Variants in TLN2 observed in about 807,000 individuals in gnomAD.
TLN2 encodes the protein talin-2.
Under a neutral mutation model 294.7 loss-of-function variants are expected in TLN2, and 118 were observed. The ratio of observed to expected loss-of-function variants is 0.40; its 90% confidence interval spans 0.34 to 0.47. TLN2 has a LOEUF of 0.47. Among genes scored for constraint, TLN2 ranks in the 20% least tolerant of loss-of-function variants. The pLI, the probability that TLN2 is intolerant of heterozygous loss-of-function variation, is 0.84. For missense variants in TLN2, 3,083 were observed against 3,282.2 expected (o/e 0.94, Z 1.48); for synonymous variants, 1,431 against 1,304.5 (o/e 1.10, Z -2.09).
At chr15:62,689,877 T>TA (rs1567358892) in intron 12 of TLN2, among the ~76,000 whole-genome samples, 27 of 9,840 alleles carry the variant, frequency 2.7e-3, no homozygotes, top group East Asian at 8.9e-3. Flanking sequence ...TTTTTTTTTT[T>TA]ATTGGCTGAC....
chr15:62,605,352 T>A (rs1387869748), intron 2 of TLN2, among the ~76,000 whole-genome samples: 49 of 152,248 alleles, frequency 3.2e-4, no homozygotes, highest in Admixed American at 3.2e-3. Context: ...ATTTTACAAA[T>A]TTAATAAACT....
chr15:62,461,525 C>G (rs1865487), intron 1 of TLN2, among the ~76,000 whole-genome samples: 1 of 151,992 alleles, frequency 6.6e-6, no homozygotes, highest in African/African-American at 2.4e-5. Context: ...TATACCTAGA[C>G]GTAGTATTTA....
At chr15:62,636,424 T>C (rs1393416125) in intron 3 of TLN2, among the ~76,000 whole-genome samples, 2 of 152,118 alleles carry the variant, frequency 1.3e-5, no homozygotes, top group Admixed American at 1.3e-4. Context: ...CAGATGGACT[T>C]TGAGTCTACA....
At chr15:62,394,955 C>A (rs1488283018) in intron 1 of TLN2, among the ~76,000 whole-genome samples, 2 of 152,124 alleles carry the variant, frequency 1.3e-5, no homozygotes, top group Non-Finnish European at 1.5e-5. Flanking sequence ...TTGTTTTTCT[C>A]TTAATCAACA....
At chr15:62,767,954 A>T (rs1012503780) in intron 41 of TLN2, among the ~76,000 whole-genome samples, 2 of 149,168 alleles carry the variant, frequency 1.3e-5, no homozygotes, top group Non-Finnish European at 3.0e-5. Flanking sequence ...TAATATATTT[A>T]TGTCACTTGA....
intron 51 of TLN2, among the ~76,000 whole-genome samples, chr15:62,807,151 G>A (rs2066345905): frequency 6.6e-6 from 1 of 152,146 alleles, no homozygotes; most frequent in Non-Finnish European, 1.5e-5. Flanking sequence ...TCCTGAGGCT[G>A]CAAGTATTGG....
chr15:62,740,186 A>G lies in TLN2; in HGVS notation c.3886-444A>G, dbSNP rs975254951. Among the ~76,000 whole-genome samples, 6 of 152,070 alleles carry G rather than the reference A, an allele frequency of 3.9e-5. No individual in the cohort carries two copies. In the South Asian group the frequency reaches 6.2e-4, roughly 16 times the overall value. Reference sequence around the variant, plus strand: ...TGTGCTTTCCCGAGTCAGGAACTTCAGGGATGCAGTCAGCTCTGAATATCG... The same window carrying G: ...TGTGCTTTCCCGAGTCAGGAACTTCGGGGATGCAGTCAGCTCTGAATATCG... On this transcript the variant is annotated intron_variant, in intron 31 of 58. Coordinates refer to ENST00000636159, the MANE Select transcript of TLN2 (RefSeq NM_015059.3).
intron 36 of TLN2, chr15:62,754,805 A>T (rs901134468): frequency 1.3e-5 from 2 of 152,294 alleles, no homozygotes; most frequent in African/African-American, 4.8e-5. Context: ...AAATGAGTTG[A>T]GGCTGGCGGG....
intron 1 of TLN2, among the ~76,000 whole-genome samples, chr15:62,410,039 C>T (rs185220974): frequency 3.9e-5 from 6 of 152,208 alleles, no homozygotes; most frequent in Non-Finnish European, 7.4e-5. Context: ...GTCAGGAGTT[C>T]AAGACCAGCC....
intron 1 of TLN2, among the ~76,000 whole-genome samples, chr15:62,506,270 T>C (rs1378387498): frequency 6.6e-6 from 1 of 152,174 alleles, no homozygotes; most frequent in Non-Finnish European, 1.5e-5. Flanking sequence ...ATCTAGTGGC[T>C]GCTGGTATGA....
intron 2 of TLN2, among the ~76,000 whole-genome samples, chr15:62,613,772 G>C (rs779041071): frequency 4.1e-5 from 6 of 147,814 alleles, no homozygotes; most frequent in Admixed American, 6.8e-5. Flanking sequence ...AAGCATGAAA[G>C]ACAAAGACAA....
At chr15:62,712,159 G>T in intron 22 of TLN2, 82 bp downstream of exon 22, 1 of 1,515,146 alleles carries the variant, frequency 6.6e-7, no homozygotes, top group South Asian at 1.2e-5. Context: ...ATGGGGCATG[G>T]TCATCCGAGT....
intron 9 of TLN2, among the ~76,000 whole-genome samples, chr15:62,661,344 C>G (rs1260615821): frequency 6.6e-6 from 1 of 152,034 alleles, no homozygotes; most frequent in East Asian, 1.9e-4. Context: ...AAAAATTGAA[C>G]ATAGCCTAAG....
intron 2 of TLN2, among the ~76,000 whole-genome samples, chr15:62,590,993 G>A (rs1224506977): frequency 6.7e-6 from 1 of 148,700 alleles, no homozygotes; most frequent in Non-Finnish European, 1.5e-5. Flanking sequence ...TTTTTTTTTG[G>A]CTGTATATAA....
chr15:62,699,400 G>A (rs569645322), intron 16 of TLN2, among the ~76,000 whole-genome samples: 2 of 149,944 alleles, frequency 1.3e-5, no homozygotes, highest in African/African-American at 4.9e-5. Context: ...TTTTTTTTTG[G>A]ATCTTGGGTA....
chr15:62,486,974 T>G (rs2038432324), intron 1 of TLN2, among the ~76,000 whole-genome samples: 1 of 152,220 alleles, frequency 6.6e-6, no homozygotes, highest in Non-Finnish European at 1.5e-5. Context: ...TCTGCCCTTG[T>G]AGCAACTGTG....
intron 2 of TLN2, among the ~76,000 whole-genome samples, chr15:62,615,419 A>G (rs2048235460): frequency 6.6e-6 from 1 of 152,216 alleles, no homozygotes; most frequent in Admixed American, 6.5e-5. Context: ...CCTACCATGT[A>G]ATGGTGGGTG....
At chr15:62,706,972 C>A in intron 19 of TLN2, 114 bp from the exon 20 acceptor site, 1 of 1,293,284 alleles carries the variant, frequency 7.7e-7, no homozygotes, top group Non-Finnish European at 1.0e-6. Context: ...AGTAAAAAAA[C>A]TTCTAAAGTA....
chr15:62,624,092 A>G (rs954254333), intron 3 of TLN2, among the ~76,000 whole-genome samples: 1 of 152,206 alleles, frequency 6.6e-6, no homozygotes, highest in Non-Finnish European at 1.5e-5. Flanking sequence ...GTTTGATAAT[A>G]GAGCTACACG....
Sources: allele counts gnomAD v4.1 joint callset (sites outside exome capture counted in the v4.1 genomes callset), GRCh38; gene constraint gnomAD v4.1.1; transcripts MANE v1.5; gene names NCBI Gene and HGNC (gene_info 2026-07-23, HGNC 2026-07-21).